Variants in POLA1 observed in about 807,000 individuals in gnomAD.
The protein encoded by POLA1 is DNA polymerase alpha catalytic subunit.
In POLA1, 15 loss-of-function variants were observed where a neutral mutation model predicts 124.0. That is an observed-to-expected ratio of 0.12 (90% CI 0.08 to 0.19). POLA1 has a LOEUF of 0.19. Ranked by LOEUF, POLA1 falls within the 10% of genes least tolerant of loss-of-function variation. The probability of loss-of-function intolerance (pLI) is 1.00; values close to 1 mark genes in which losing one functional copy is unlikely to be tolerated. For missense variants in POLA1, 886 were observed against 1,103.4 expected (o/e 0.80, Z 2.79); for synonymous variants, 408 against 389.4 (o/e 1.05, Z -0.56).
chrX:24,904,685 G>T (rs1299864189), intron 35 of POLA1, among the ~76,000 whole-genome samples: 1 of 111,603 alleles, frequency 9.0e-6, no homozygotes, highest in Non-Finnish European at 1.9e-5. Flanking sequence ...GAACTAGAAG[G>T]TACCAGGAAG....
chrX:24,813,358 C>T (rs1246294295), intron 29 of POLA1, among the ~76,000 whole-genome samples: 1 of 111,490 alleles, frequency 9.0e-6, no homozygotes, highest in Admixed American at 9.5e-5. Context: ...ATAAAAGATT[C>T]TTACTAATAC....
intron 34 of POLA1, among the ~76,000 whole-genome samples, chrX:24,875,684 C>G (rs1371153308): frequency 8.9e-5 from 10 of 111,773 alleles, no homozygotes; most frequent in Admixed American, 1.9e-4. Flanking sequence ...ATTATAGTAT[C>G]AGGTCCATTT....
Position 24,911,259 on chromosome X carries a change from C to T in POLA1, c.4165-19194C>T, listed in dbSNP as rs149936137. 3.2e-3 allele frequency among the ~76,000 whole-genome samples: 361 copies of T among 111,368 alleles called. 3 individuals carry two copies. The highest frequency in any genetic ancestry group is 0.01 in the African/African-American group (321 of 30,693). ...CTGTAATACAAAGTAGGTCAATTAC[C>T]GATGCTCATTTATTCATCATGAACA... On this transcript the variant is annotated intron_variant, in intron 35 of 36. Coordinates refer to ENST00000379068, the MANE Select transcript of POLA1 (RefSeq NM_001330360.2).
At chrX:24,897,492 A>G (rs1010336334) in intron 35 of POLA1, among the ~76,000 whole-genome samples, 4 of 110,506 alleles carry the variant, frequency 3.6e-5, no homozygotes, top group African/African-American at 1.3e-4. Flanking sequence ...AACTCAGTGC[A>G]TACCCAAGTG....
intron 26 of POLA1, among the ~76,000 whole-genome samples, chrX:24,770,406 T>A (rs1237838230): frequency 1.8e-5 from 2 of 111,912 alleles, no homozygotes; most frequent in Admixed American, 1.9e-4. Context: ...GCCCACAGAA[T>A]ATCTCTTACT....
At chrX:24,877,277 G>A (rs889849126) in intron 34 of POLA1, among the ~76,000 whole-genome samples, 3 of 111,660 alleles carry the variant, frequency 2.7e-5, no homozygotes, top group Non-Finnish European at 5.6e-5. Context: ...TTGCGGCATT[G>A]AAAGAGGCAG....
intron 36 of POLA1, among the ~76,000 whole-genome samples, chrX:24,931,900 T>G (rs1435270912): frequency 8.9e-6 from 1 of 112,110 alleles, no homozygotes; most frequent in East Asian, 2.8e-4. Context: ...GTTCCTCTAT[T>G]ACTTCTTTTT....
intron 18 of POLA1, 142 bp downstream of exon 18, chrX:24,735,630 G>A (rs1931224306): frequency 5.1e-6 from 2 of 389,798 alleles, no homozygotes; most frequent in East Asian, 4.2e-5. Flanking sequence ...GCTGCTAATA[G>A]GAGAAAAAAA....
intron 26 of POLA1, among the ~76,000 whole-genome samples, chrX:24,779,588 G>C (rs1243143034): frequency 8.9e-6 from 1 of 111,885 alleles, no homozygotes; most frequent in African/African-American, 3.3e-5. Context: ...ACCATTTGAG[G>C]AAACAGGTAA....
At chrX:24,863,958 C>CTATTTATTTATT (rs61095074) in intron 34 of POLA1, among the ~76,000 whole-genome samples, 50 of 96,975 alleles carry the variant, frequency 5.2e-4, no homozygotes, top group Non-Finnish European at 6.4e-4. Context: ...TTTTCTGGAA[C>CTATTTATTTATT]TATTTATTTA....
chrX:24,800,475 A>G (rs1029193889), intron 26 of POLA1, among the ~76,000 whole-genome samples: 2 of 110,858 alleles, frequency 1.8e-5, no homozygotes, highest in Non-Finnish European at 3.8e-5. Flanking sequence ...TTAGGATTGT[A>G]TAGGCTCATA....
intron 4 of POLA1, among the ~76,000 whole-genome samples, chrX:24,711,856 C>A (rs1487976080): frequency 7.1e-5 from 8 of 111,976 alleles, no homozygotes; most frequent in Non-Finnish European, 1.5e-4. Flanking sequence ...CCTTGGCCTC[C>A]CAAAGTGCTG....
At chrX:24,758,766 G>A (rs1204603352) in intron 26 of POLA1, among the ~76,000 whole-genome samples, 9 of 112,110 alleles carry the variant, frequency 8.0e-5, no homozygotes, top group African/African-American at 2.9e-4. Context: ...TGCAAGCTCC[G>A]CCTCCCGGGT....
At chrX:24,983,500 G>T (rs1395674282) in intron 36 of POLA1, among the ~76,000 whole-genome samples, 1 of 111,948 alleles carries the variant, frequency 8.9e-6, no homozygotes, top group Admixed American at 9.4e-5. Context: ...GCCAGTGAAA[G>T]ATATGGTCAT....
intron 35 of POLA1, among the ~76,000 whole-genome samples, chrX:24,905,431 G>A (rs1382661077): frequency 1.2e-5 from 1 of 86,844 alleles, no homozygotes; most frequent in African/African-American, 4.3e-5. Context: ...GGGGGTGGGG[G>A]TGGGGGAGGA....
At chrX:24,821,375 C>A in intron 30 of POLA1, 77 bp from the exon 31 acceptor site, 1 of 790,506 alleles carries the variant, frequency 1.3e-6, no homozygotes, top group South Asian at 3.7e-5. Context: ...ATGATTCTAG[C>A]AAAGATGTTT....
intron 26 of POLA1, among the ~76,000 whole-genome samples, chrX:24,799,774 T>G (rs1359391433): frequency 9.0e-6 from 1 of 110,757 alleles, no homozygotes; most frequent in Non-Finnish European, 1.9e-5. Context: ...GAAGGCGGGG[T>G]GGGGGAGAAA....
At chrX:24,985,599 A>G (rs1469155300) in intron 36 of POLA1, among the ~76,000 whole-genome samples, 1 of 112,115 alleles carries the variant, frequency 8.9e-6, no homozygotes, top group Non-Finnish European at 1.9e-5. Context: ...TCAGTTGAAT[A>G]TCCTTGTACA....
intron 34 of POLA1, among the ~76,000 whole-genome samples, chrX:24,871,118 C>T (rs1343500939): frequency 8.9e-6 from 1 of 112,012 alleles, no homozygotes; most frequent in Non-Finnish European, 1.9e-5. Context: ...TTTTATCTGT[C>T]ATTGTAGCAC....
Sources: allele counts gnomAD v4.1 joint callset (sites outside exome capture counted in the v4.1 genomes callset), GRCh38; gene constraint gnomAD v4.1.1; transcripts MANE v1.5; gene names NCBI Gene and HGNC (gene_info 2026-07-23, HGNC 2026-07-21).